Variants in NEGR1 observed in about 807,000 individuals in gnomAD.
NEGR1 encodes the protein neuronal growth regulator 1.
NEGR1 carries 10 observed loss-of-function variants against 40.9 expected under a neutral mutation model. The observed-to-expected ratio is 0.24, with a 90% confidence interval of 0.15 to 0.42. The LOEUF is 0.42. Ranked by LOEUF, NEGR1 falls within the 10% of genes least tolerant of loss-of-function variation. The pLI, the probability that NEGR1 is intolerant of heterozygous loss-of-function variation, is 1.00. For missense variants in NEGR1, 352 were observed against 438.9 expected, an observed-to-expected ratio of 0.80 and a Z score of 1.77; for synonymous variants, 185 against 166.8, an observed-to-expected ratio of 1.11 and a Z score of -0.84.
chr1:71,454,634 G>A (rs1353459038), intron 6 of NEGR1, among the ~76,000 whole-genome samples: 1 of 152,132 alleles, frequency 6.6e-6, no homozygotes, highest in African/African-American at 2.4e-5. Flanking sequence ...TCAAGTGGAA[G>A]CATGAGAAAT....
intron 1 of NEGR1, among the ~76,000 whole-genome samples, chr1:72,224,105 G>C (rs994408501): frequency 2.0e-5 from 3 of 152,056 alleles, no homozygotes; most frequent in African/African-American, 7.2e-5. Flanking sequence ...TTGAAGATTA[G>C]AAAACTATTG....
chr1:71,618,680 G>A (rs1429459089), intron 4 of NEGR1, among the ~76,000 whole-genome samples: 4 of 152,000 alleles, frequency 2.6e-5, no homozygotes, highest in Non-Finnish European at 1.5e-5. Flanking sequence ...GAAATAAAGT[G>A]CACAATAAAT....
chr1:72,088,800 T>C (rs1016556607), intron 1 of NEGR1, among the ~76,000 whole-genome samples: 2 of 26,834 alleles, frequency 7.5e-5, no homozygotes, highest in African/African-American at 3.6e-4. Context: ...CTCTCTCTTT[T>C]TTTTTTTTTT....
chr1:71,983,558 C>A (rs1646371336), intron 1 of NEGR1, among the ~76,000 whole-genome samples: 1 of 152,158 alleles, frequency 6.6e-6, no homozygotes, highest in Non-Finnish European at 1.5e-5. Flanking sequence ...GGGGCTTGAA[C>A]TTCAGTAAGT....
At position 71,395,978 on chromosome 1, in the gene NEGR1, T is replaced by C. The variant is rs1646208969; in HGVS notation, c.*11468A>G. ...CAGCCTTTATTCATATCACTAATTG[T>C]AATATGTACTAATTGTAAATGTGGA... On this transcript the variant is annotated 3_prime_UTR_variant, in exon 7 of 7. Coordinates refer to ENST00000357731, the MANE Select transcript of NEGR1 (RefSeq NM_173808.3). 1 of 152,184 alleles carries C rather than the reference T, an allele frequency of 6.6e-6. No homozygotes were observed. Among genetic ancestry groups the C allele is most frequent in the South Asian group, 2.1e-4 (1 of 4,824 alleles). 9.4% of individuals were successfully genotyped at this position (152,184 alleles called of 1,614,324 possible). A position where few individuals can be genotyped will look rare whatever the true frequency, so the allele number is the denominator to read the frequency against.
At chr1:71,558,602 T>C (rs1396980086) in intron 6 of NEGR1, among the ~76,000 whole-genome samples, 2 of 151,542 alleles carry the variant, frequency 1.3e-5, no homozygotes, top group African/African-American at 4.8e-5. Flanking sequence ...CCATCAATAT[T>C]TGTTTTGTAC....
At chr1:71,764,726 C>T (rs1570315434) in intron 3 of NEGR1, among the ~76,000 whole-genome samples, 4 of 152,162 alleles carry the variant, frequency 2.6e-5, no homozygotes, top group African/African-American at 9.7e-5. Flanking sequence ...AGCTGATCCT[C>T]TTACAACTAC....
At chr1:71,435,474 A>T (rs1646503330) in intron 6 of NEGR1, among the ~76,000 whole-genome samples, 1 of 152,214 alleles carries the variant, frequency 6.6e-6, no homozygotes, top group African/African-American at 2.4e-5. Context: ...GAAATCACTA[A>T]GGAGAAAGGA....
At chr1:71,935,042 C>T in intron 2 of NEGR1, 37 bp downstream of exon 2, 2 of 1,197,272 alleles carry the variant, frequency 1.7e-6, no homozygotes, top group Non-Finnish European at 2.5e-6. Flanking sequence ...TTTCTAAGCA[C>T]AGTCTTTCAC....
chr1:71,549,755 G>T (rs1377407275), intron 6 of NEGR1, among the ~76,000 whole-genome samples: 1 of 151,552 alleles, frequency 6.6e-6, no homozygotes, highest in African/African-American at 2.4e-5. Flanking sequence ...TATCTACTTT[G>T]CCAGAATAAC....
At chr1:72,040,780 C>G (rs1409943359) in intron 1 of NEGR1, among the ~76,000 whole-genome samples, 1 of 151,624 alleles carries the variant, frequency 6.6e-6, no homozygotes, top group Admixed American at 6.6e-5. Flanking sequence ...AAGAAAACAA[C>G]AATTGAAGTT....
At chr1:72,268,520 T>A (rs1655730089) in intron 1 of NEGR1, among the ~76,000 whole-genome samples, 1 of 151,490 alleles carries the variant, frequency 6.6e-6, no homozygotes, top group Non-Finnish European at 1.5e-5. Flanking sequence ...TTATCATCAT[T>A]GGATCTTAAA....
At chr1:71,687,163 T>C (rs1351743140) in intron 4 of NEGR1, among the ~76,000 whole-genome samples, 1 of 152,208 alleles carries the variant, frequency 6.6e-6, no homozygotes, top group Non-Finnish European at 1.5e-5. Flanking sequence ...ATGTTTTATC[T>C]AAATTGCTAA....
intron 3 of NEGR1, chr1:71,703,458 T>C (rs1653767517): frequency 7.3e-6 from 1 of 136,118 alleles, no homozygotes; most frequent in Non-Finnish European, 1.6e-5. Context: ...CTATAACTAG[T>C]GGAAAAACAG....
chr1:71,844,325 T>C (rs1341531497), intron 2 of NEGR1, among the ~76,000 whole-genome samples: 1 of 152,170 alleles, frequency 6.6e-6, no homozygotes, highest in Non-Finnish European at 1.5e-5. Context: ...CACACCATAG[T>C]GTCCAAATCA....
intron 2 of NEGR1, among the ~76,000 whole-genome samples, chr1:71,795,075 A>T (rs558411833): frequency 6.6e-6 from 1 of 152,242 alleles, no homozygotes; most frequent in South Asian, 2.1e-4. Flanking sequence ...CACTTAAAAA[A>T]TTAGGTAATA....
intron 6 of NEGR1, among the ~76,000 whole-genome samples, chr1:71,415,179 T>A (rs1569845362): frequency 6.6e-6 from 1 of 152,100 alleles, no homozygotes; most frequent in Non-Finnish European, 1.5e-5. Context: ...GGTAGTTCCA[T>A]CATTTTTGAC....
chr1:71,778,178 T>C (rs1656576190), intron 2 of NEGR1, among the ~76,000 whole-genome samples: 1 of 151,544 alleles, frequency 6.6e-6, no homozygotes, highest in Non-Finnish European at 1.5e-5. Flanking sequence ...TATATACATA[T>C]ATATATATAG....
chr1:71,726,757 G>A (rs1654689713), intron 3 of NEGR1, among the ~76,000 whole-genome samples: 1 of 152,012 alleles, frequency 6.6e-6, no homozygotes, highest in South Asian at 2.1e-4. Context: ...AAAGGAATGA[G>A]GTAATAGGAT....
Sources: allele counts gnomAD v4.1 joint callset (sites outside exome capture counted in the v4.1 genomes callset), GRCh38; gene constraint gnomAD v4.1.1; transcripts MANE v1.5; gene names NCBI Gene and HGNC (gene_info 2026-07-23, HGNC 2026-07-21).